TMOD1: variants seen among roughly 807,000 people sequenced by gnomAD.
TMOD1 encodes the protein tropomodulin 1.
TMOD1 carries 17 observed loss-of-function variants against 40.6 expected under a neutral mutation model. The ratio of observed to expected loss-of-function variants is 0.42; its 90% CI spans 0.29 to 0.63. The LOEUF is 0.63. Ranked by LOEUF, TMOD1 falls within the 20% of genes least tolerant of loss-of-function variation. The probability of loss-of-function intolerance (pLI) is 0.22; values close to 1 mark genes in which losing one functional copy is unlikely to be tolerated. For missense variants in TMOD1, 391 were observed against 447.6 expected (o/e 0.87, Z 1.14); for synonymous variants, 181 against 175.0 (o/e 1.03, Z -0.27).
rs1826224901 is a variant in TMOD1 at position 97,600,265 on chromosome 9, A to G, written c.*567A>G. On this transcript the variant is annotated 3_prime_UTR_variant, in exon 10 of 10. Coordinates refer to ENST00000259365, the MANE Select transcript of TMOD1 (RefSeq NM_003275.4). ...ACAGATAGACAGACTGAAGCCACTG[A>G]ACTCTGCCAGGAGTCAACATGAGAT... 1.0e-6 allele frequency: 1 copy of G among 986,826 alleles called. No individual in the cohort carries two copies. The allele number at this position is 986,826 out of a possible 1,614,324, so 61.1% of individuals were successfully genotyped here.
At position 97,551,111 on chromosome 9, in the gene TMOD1, C is replaced by T. The variant is rs568082142; in HGVS notation, c.278-2170C>T. The stretch of plus-strand genomic sequence containing the variant: ...CAATCTTGGCCCACTGCAACCTCCA[C>T]CTCCCGGGTTCAAGTGATGCTCCTG... On this transcript the variant is annotated intron_variant, in intron 3 of 9. Transcript: ENST00000259365. Among the ~76,000 whole-genome samples the T allele has an allele frequency of 1.2e-4, 18 of 150,226 alleles. No individual in the cohort carries two copies. In the South Asian group the frequency reaches 2.3e-3, roughly 19 times the overall value.
rs1163905656 is a variant in TMOD1, at chr9:97,600,312, A to AATG, written c.*617_*619dup. 1.5e-5 allele frequency: 15 copies of AATG among 986,068 alleles called. No homozygotes were observed. Among genetic ancestry groups the AATG allele is most frequent in the South Asian group, 9.4e-5 (2 of 21,298 alleles). 61.1% of individuals were successfully genotyped at this position (986,068 alleles called of 1,614,324 possible). A position where few individuals can be genotyped will look rare whatever the true frequency, so the allele number is the denominator to read the frequency against. On this transcript the variant is annotated 3_prime_UTR_variant, in exon 10 of 10. Coordinates refer to ENST00000259365, the MANE Select transcript of TMOD1 (RefSeq NM_003275.4). ...AGATTCCTTTTGCTGGATATGCAGA[A>AATG]ATGATAGGAAAAAAACCAATGGTGA...
At position 97,555,537 on chromosome 9, in the gene TMOD1, C is replaced by T. The variant is rs192987502; in HGVS notation, c.397+2137C>T. Reference sequence around the variant, plus strand: ...CGTGGCTATTTATTGTTATCTGTAACGACGCAATATGCTGCCGAAGTCTGG... The same window carrying T: ...CGTGGCTATTTATTGTTATCTGTAATGACGCAATATGCTGCCGAAGTCTGG... On this transcript the variant is annotated intron_variant, in intron 4 of 9. Transcript: ENST00000259365. 503 of 1,474,938 alleles carry T rather than the reference C, an allele frequency of 3.4e-4. 2 individuals are homozygous for T. The African/African-American group carries it at 5.6e-3, about 16-fold the overall frequency. The allele number at this position is 1,474,938 out of a possible 1,614,324, so 91.4% of individuals were successfully genotyped here. A position where few individuals can be genotyped will look rare whatever the true frequency, so the allele number is the denominator to read the frequency against.
At chr9:97,538,962 A>AC (rs1272313040) in intron 2 of TMOD1, among the ~76,000 whole-genome samples, 1 of 152,088 alleles carries the variant, frequency 6.6e-6, no homozygotes, top group Non-Finnish European at 1.5e-5. Flanking sequence ...CTGAGATAGC[A>AC]CCACTGCACT....
Position 97,601,508 on chromosome 9 carries a change from G to C in TMOD1, c.*1810G>C. On this transcript the variant is annotated 3_prime_UTR_variant, in exon 10 of 10. Transcript: ENST00000259365. ...ATCAGAGGAAATCTCTCATAGAAACGAAACCAAACCAACAGAAAATGAAGA... is the reference window on the plus strand; with the variant it reads ...ATCAGAGGAAATCTCTCATAGAAACCAAACCAAACCAACAGAAAATGAAGA... 1.0e-6 allele frequency: 1 copy of C among 989,156 alleles called. No individual in the cohort carries two copies. The highest frequency in any genetic ancestry group is 1.2e-6 in the Non-Finnish European group (1 of 832,196). 61.3% of individuals were successfully genotyped at this position (989,156 alleles called of 1,614,324 possible). A position where few individuals can be genotyped will look rare whatever the true frequency, so the allele number is the denominator to read the frequency against.
intron 3 of TMOD1, among the ~76,000 whole-genome samples, 185 bp from the exon 4 acceptor site, chr9:97,553,096 G>T (rs760233198): frequency 3.3e-5 from 5 of 152,186 alleles, no homozygotes; most frequent in Non-Finnish European, 5.9e-5. Flanking sequence ...AGTGTGAGGG[G>T]TGCTGTGTTG....
rs1386160832 is a variant in TMOD1 at position 97,600,685 on chromosome 9, A to ATATT, written c.*988_*991dup. 5 of 1,000,966 alleles carry ATATT rather than the reference A, an allele frequency of 5.0e-6. No individual in the cohort carries two copies. In the East Asian group the frequency reaches 5.5e-4, roughly 109 times the overall value. The allele number at this position is 1,000,966 out of a possible 1,614,324, so 62.0% of individuals were successfully genotyped here. A position where few individuals can be genotyped will look rare whatever the true frequency, so the allele number is the denominator to read the frequency against. On this transcript the variant is annotated 3_prime_UTR_variant, in exon 10 of 10. Coordinates refer to ENST00000259365, the MANE Select transcript of TMOD1 (RefSeq NM_003275.4). ...AAATTGCTGCTGACCTTACGCCTGT[A>ATATT]TATTAAGCCTCCGCAGGATGCCGGA...
intron 1 of TMOD1, among the ~76,000 whole-genome samples, chr9:97,511,062 C>CCG (rs1393989440): frequency 7.1e-5 from 6 of 84,348 alleles, no homozygotes; most frequent in African/African-American, 2.2e-4. Context: ...AAACATGCAC[C>CCG]CGCGCGCGCA....
chr9:97,566,639 C>G lies in TMOD1; in HGVS notation c.726+684C>G, dbSNP rs574097067. On this transcript the variant is annotated intron_variant, in intron 7 of 9. Coordinates refer to ENST00000259365, the MANE Select transcript of TMOD1 (RefSeq NM_003275.4). ...TGAGCCGAGATTGCACCACTATACT[C>G]CAGCTTGGGCGACAGAGCGAGGCTC... Among the ~76,000 whole-genome samples the G allele has an allele frequency of 7.6e-3, 1,158 of 152,032 alleles. 17 individuals are homozygous for G. Among genetic ancestry groups the G allele is most frequent in the African/African-American group, 0.027 (1,108 of 41,452 alleles).
At chr9:97,529,534 TA>T (rs546481120) in intron 2 of TMOD1, among the ~76,000 whole-genome samples, 6,703 of 138,194 alleles carry the variant, frequency 0.049, 343 homozygotes, top group African/African-American at 0.14. Flanking sequence ...TTGTGCACGT[TA>T]AAAAAAAAAA....
At chr9:97,509,594 G>T (rs1372439991) in intron 1 of TMOD1, among the ~76,000 whole-genome samples, 2 of 150,962 alleles carry the variant, frequency 1.3e-5, no homozygotes, top group African/African-American at 4.9e-5. Context: ...CCACCTTCTG[G>T]GCTCAAGTGG....
intron 1 of TMOD1, among the ~76,000 whole-genome samples, chr9:97,506,246 G>A (rs1408267854): frequency 3.3e-5 from 5 of 152,174 alleles, no homozygotes; most frequent in Non-Finnish European, 7.3e-5. Flanking sequence ...ACCAGCCAGA[G>A]TGTGTTCTAA....
chr9:97,577,980 T>C (rs1387949690), intron 8 of TMOD1, among the ~76,000 whole-genome samples: 1 of 152,162 alleles, frequency 6.6e-6, no homozygotes, highest in African/African-American at 2.4e-5. Flanking sequence ...CCACTGGTTC[T>C]CTCTTCTATA....
At chr9:97,540,785 CA>C (rs1830265472) in intron 2 of TMOD1, among the ~76,000 whole-genome samples, 1 of 152,126 alleles carries the variant, frequency 6.6e-6, no homozygotes, top group Non-Finnish European at 1.5e-5. Context: ...AGCTGGTGAA[CA>C]TTAGACTTGT....
intron 4 of TMOD1, among the ~76,000 whole-genome samples, chr9:97,556,501 A>T (rs12552984): frequency 0.2 from 29,751 of 152,012 alleles, 3,096 homozygotes; most frequent in South Asian, 0.31. Context: ...AGAGGAGGAC[A>T]TGGGGCGTCC....
rs1826256251 is a variant in TMOD1, at chr9:97,601,407, T to C, written c.*1709T>C. 1 of 1,039,720 alleles carries C rather than the reference T, an allele frequency of 9.6e-7. No individual in the cohort carries two copies. The highest frequency in any genetic ancestry group is 1.0e-4 in the East Asian group (1 of 9,812). 64.4% of individuals were successfully genotyped at this position (1,039,720 alleles called of 1,614,324 possible). On this transcript the variant is annotated 3_prime_UTR_variant, in exon 10 of 10. Transcript: ENST00000259365. ...GCTGATCTAAAAACTGTGGCTCAAATGTCACCGAGCTTATATGAAGCTCCC... is the reference window on the plus strand; with the variant it reads ...GCTGATCTAAAAACTGTGGCTCAAACGTCACCGAGCTTATATGAAGCTCCC...
At chr9:97,547,274 T>C (rs1195702261) in intron 3 of TMOD1, among the ~76,000 whole-genome samples, 1 of 151,812 alleles carries the variant, frequency 6.6e-6, no homozygotes, top group Non-Finnish European at 1.5e-5. Context: ...TCTCAAACTT[T>C]CCACCTCAGG....
intron 2 of TMOD1, among the ~76,000 whole-genome samples, chr9:97,538,372 G>A (rs190397209): frequency 6.6e-6 from 1 of 152,172 alleles, no homozygotes; most frequent in East Asian, 1.9e-4. Context: ...TTGGGGTAAG[G>A]ATGTTTGTGT....
intron 9 of TMOD1, among the ~76,000 whole-genome samples, chr9:97,596,147 C>A (rs1448924775): frequency 6.6e-6 from 1 of 152,120 alleles, no homozygotes; most frequent in Non-Finnish European, 1.5e-5. Flanking sequence ...TGGGCCTGTT[C>A]CTAGATGCTG....
Sources: gnomAD v4.1 joint callset for allele counts (sites outside exome capture counted in the v4.1 genomes callset) on GRCh38, gnomAD v4.1.1 for gene constraint, MANE v1.5 for transcripts, NCBI Gene and HGNC (gene_info 2026-07-23, HGNC 2026-07-21) for gene names.